Variants in VPS53 observed in about 807,000 individuals in gnomAD.
VPS53 encodes the protein VPS53 subunit of GARP complex.
A neutral mutation model predicts 107.0 loss-of-function variants in VPS53; 70 were observed. The observed-to-expected ratio is 0.65, with a 90% CI of 0.54 to 0.80. VPS53 has a LOEUF of 0.80. VPS53 is among the 30% of genes least tolerant of loss of function. The probability of loss-of-function intolerance (pLI) is 0.00; values close to 1 mark genes in which losing one functional copy is unlikely to be tolerated. For synonymous variants in VPS53, 409 were observed against 393.3 expected (o/e 1.04, Z -0.47); for missense variants, 917 against 1,049.4 (o/e 0.87, Z 1.74).
chr17:572,660 A>G (rs1472777584), intron 13 of VPS53, among the ~76,000 whole-genome samples: 1 of 151,406 alleles, frequency 6.6e-6, no homozygotes, highest in Non-Finnish European at 1.5e-5. Context: ...AGACATGGGA[A>G]ACTTTTCATT....
Position 519,163 on chromosome 17 carries a change from G to A in VPS53, c.2464C>T (p.Arg822Cys), listed in dbSNP as rs374300949. The stretch of plus-strand genomic sequence containing the variant: ...TTTTTAATGAGTTTCTCGAGCTTGC[G>A]GATGCGTGACGACTCTTGCTCTGGT... ...PTPEQESSRI[R>C]KLEKLIKKRL The change falls in exon 22 of 22, where the codon CGC becomes TGC. Residue 822 changes from arginine to cysteine, a missense_variant. By Grantham distance (180) the Arg-to-Cys change is radical. Transcript: ENST00000437048. The surrounding 1 kb of genome is among the most constrained non-coding windows in gnomAD (Gnocchi z 5.0). 45 of 1,542,906 alleles carry A rather than the reference G, an allele frequency of 2.9e-5. No individual in the cohort carries two copies. Among genetic ancestry groups the A allele is most frequent in the Non-Finnish European group, 3.5e-5 (40 of 1,143,598 alleles).
At position 519,105 on chromosome 17, in the gene VPS53, G is replaced by A; in HGVS notation, c.*23C>T. On this transcript the variant is annotated 3_prime_UTR_variant, in exon 22 of 22. Transcript: ENST00000437048. This position sits in a 1 kb window ranked among gnomAD's most constrained non-coding sequence, Gnocchi z 5.0. ...ACGGGCGCTGAGGGTCTCCAGCCAG[G>A]AGCAAAGGGCCCCTTGCTGCTGCTA... The A allele has an allele frequency of 2.0e-6, 3 of 1,480,102 alleles. No homozygotes were observed. The highest frequency in any genetic ancestry group is 1.8e-4 in the Middle Eastern group (1 of 5,636). The allele number at this position is 1,480,102 out of a possible 1,614,324, so 91.7% of individuals were successfully genotyped here. A position where few individuals can be genotyped will look rare whatever the true frequency, so the allele number is the denominator to read the frequency against.
chr17:569,764 C>CA (rs942892653), intron 13 of VPS53, among the ~76,000 whole-genome samples: 2 of 151,490 alleles, frequency 1.3e-5, no homozygotes, highest in Admixed American at 6.6e-5. Context: ...ACTAAAAATA[C>CA]AAAAAAATTA....
chr17:665,466 G>A (rs965529351), intron 4 of VPS53, among the ~76,000 whole-genome samples: 4 of 152,148 alleles, frequency 2.6e-5, no homozygotes, highest in Non-Finnish European at 5.9e-5. Context: ...ACATAAAACA[G>A]ACTAAGAAAA....
intron 1 of VPS53, among the ~76,000 whole-genome samples, chr17:712,109 C>T (rs565697449): frequency 1.4e-4 from 21 of 151,246 alleles, no homozygotes; most frequent in African/African-American, 4.9e-4. Flanking sequence ...AGCCTCCACA[C>T]CCGGCCTTCA....
intron 11 of VPS53, among the ~76,000 whole-genome samples, chr17:612,582 T>C (rs565488724): frequency 2.0e-4 from 30 of 149,670 alleles, no homozygotes; most frequent in Admixed American, 1.9e-3. Flanking sequence ...ACAGCAGTAA[T>C]CAAATAGTGA....
rs78173261 is a variant in VPS53, at chr17:532,589, C to T, written c.2085+253G>A. On this transcript the variant is annotated intron_variant, in intron 19 of 21. Coordinates refer to ENST00000437048, the MANE Select transcript of VPS53 (RefSeq NM_001128159.3). ...ACTTCTTCTTATTGGAGTGTGAGCA[C>T]TAGGAGCAGGGACCTTTCCATGGTG... 5.0e-3 allele frequency: 4,259 copies of T among 849,852 alleles called. 197 individuals carry two copies. The East Asian group carries it at 0.11, about 21-fold the overall frequency. 52.6% of individuals were successfully genotyped at this position (849,852 alleles called of 1,614,324 possible).
intron 17 of VPS53, among the ~76,000 whole-genome samples, chr17:549,286 A>G (rs1911590151): frequency 6.6e-6 from 1 of 152,226 alleles, no homozygotes; most frequent in South Asian, 2.1e-4. Context: ...TGTTGAATCA[A>G]TTTGTGACCA....
intron 4 of VPS53, among the ~76,000 whole-genome samples, chr17:686,309 G>C (rs1597486799): frequency 6.6e-6 from 1 of 152,004 alleles, no homozygotes; most frequent in East Asian, 1.9e-4. Flanking sequence ...GACAGAGTGA[G>C]ACCCTGTCTC....
At chr17:667,404 G>C (rs184825469) in intron 4 of VPS53, among the ~76,000 whole-genome samples, 1 of 151,310 alleles carries the variant, frequency 6.6e-6, no homozygotes, top group African/African-American at 2.4e-5. Context: ...GCTTGCATAC[G>C]TCTGCTTGGG....
intron 17 of VPS53, among the ~76,000 whole-genome samples, chr17:544,889 G>A (rs1159486017): frequency 6.6e-6 from 1 of 152,040 alleles, no homozygotes; most frequent in Admixed American, 6.6e-5. Context: ...AGACTGGCCT[G>A]GGCAACATAG....
chr17:699,480 A>C, intron 2 of VPS53, 100 bp from the exon 3 acceptor site: 64 of 959,460 alleles, frequency 6.7e-5, no homozygotes, highest in Middle Eastern at 2.3e-4. Context: ...ATGAAATCTC[A>C]AAAAATTTAA....
At chr17:558,934 G>T (rs951316916) in intron 15 of VPS53, among the ~76,000 whole-genome samples, 1 of 151,446 alleles carries the variant, frequency 6.6e-6, no homozygotes, top group African/African-American at 2.4e-5. Context: ...GGTGGAGGCT[G>T]CAATGAGCCA....
At chr17:682,851 TTAGA>T (rs1193614344) in intron 4 of VPS53, among the ~76,000 whole-genome samples, 1 of 136,430 alleles carries the variant, frequency 7.3e-6, no homozygotes, top group Non-Finnish European at 1.6e-5. Flanking sequence ...GGTATAAATA[TTAGA>T]TAGGCTACAG....
At chr17:594,320 T>C (rs1325247977) in intron 12 of VPS53, among the ~76,000 whole-genome samples, 1 of 152,176 alleles carries the variant, frequency 6.6e-6, no homozygotes, top group East Asian at 1.9e-4. Flanking sequence ...AGTATAATAA[T>C]AAATAAATAA....
chr17:643,189 C>CAACACTCATACTTGGAAATCAAGGAT (rs1970515016), intron 7 of VPS53, among the ~76,000 whole-genome samples: 2 of 60,450 alleles, frequency 3.3e-5, no homozygotes, highest in Non-Finnish European at 7.4e-5. Context: ...AAAGCGAGGA[C>CAACACTCATACTTGGAAATCAAGGAT]AACACTCATA....
intron 8 of VPS53, among the ~76,000 whole-genome samples, chr17:628,464 A>AGATAT (rs1477370528): frequency 1.3e-5 from 2 of 152,234 alleles, no homozygotes; most frequent in Non-Finnish European, 2.9e-5. Context: ...ATCTGCAATG[A>AGATAT]GATATTTTGG....
At chr17:545,057 G>T (rs755527743) in intron 17 of VPS53, among the ~76,000 whole-genome samples, 1 of 152,040 alleles carries the variant, frequency 6.6e-6, no homozygotes, top group Non-Finnish European at 1.5e-5. Context: ...CCCAAGCCTG[G>T]GCAACAGAGT....
intron 13 of VPS53, among the ~76,000 whole-genome samples, chr17:571,232 G>A (rs1429418530): frequency 5.0e-5 from 7 of 138,838 alleles, no homozygotes; most frequent in Admixed American, 1.4e-4. Context: ...GGAGGGGAAG[G>A]GAGAGGAAGG....
Sources: allele counts gnomAD v4.1 joint callset (sites outside exome capture counted in the v4.1 genomes callset), GRCh38; gene constraint gnomAD v4.1.1; non-coding constraint Gnocchi (gnomAD v3.1); transcripts MANE v1.5; gene names NCBI Gene and HGNC (gene_info 2026-07-23, HGNC 2026-07-21).